Variants in ARSG observed in about 807,000 individuals in gnomAD.
ARSG encodes arylsulfatase G, also known as ASG.
A neutral mutation model predicts 50.5 loss-of-function variants in ARSG; 37 were observed. The observed-to-expected ratio is 0.73, with a 90% confidence interval of 0.56 to 0.96. The LOEUF (loss-of-function observed/expected upper bound fraction) is 0.96, where lower values mean the gene tolerates loss of function less well. Ranked by LOEUF, ARSG falls within the 50% of genes least tolerant of loss-of-function variation. ARSG has a pLI of 0.00. For missense variants in ARSG, 629 were observed against 675.3 expected (o/e 0.93, Z 0.76); for synonymous variants, 225 against 254.6 (o/e 0.88, Z 1.11).
intron 2 of ARSG, among the ~76,000 whole-genome samples, chr17:68,327,065 G>A (rs1224885006): frequency 6.6e-6 from 1 of 152,168 alleles, no homozygotes; most frequent in African/African-American, 2.4e-5. Context: ...CTCCTGGAGG[G>A]TAAGGAAAGA....
intron 1 of ARSG, among the ~76,000 whole-genome samples, chr17:68,303,734 G>A (rs1315166579): frequency 1.3e-5 from 2 of 152,222 alleles, no homozygotes; most frequent in Admixed American, 1.3e-4. Flanking sequence ...ACAGGCATGA[G>A]CCACCGCACC....
the ARSG span, among the ~76,000 whole-genome samples, chr17:68,434,923 C>T: frequency 4.9e-4 from 74 of 152,140 alleles, no homozygotes; most frequent in Non-Finnish European, 5.6e-4. Flanking sequence ...AATTTGAGGC[C>T]GGGTGTGGTG....
the ARSG span, among the ~76,000 whole-genome samples, chr17:68,436,039 A>T: frequency 6.6e-6 from 1 of 152,350 alleles, no homozygotes; most frequent in South Asian, 2.1e-4. Context: ...CCGCTCAGGG[A>T]TGCCTCAGAG....
chr17:68,310,286 G>C (rs2076800255), intron 2 of ARSG, among the ~76,000 whole-genome samples: 1 of 152,218 alleles, frequency 6.6e-6, no homozygotes, highest in African/African-American at 2.4e-5. Context: ...TTGGAGAACA[G>C]AAGCGAGGGT....
intron 8 of ARSG, among the ~76,000 whole-genome samples, chr17:68,376,781 C>A (rs989249903): frequency 1.3e-5 from 2 of 151,694 alleles, no homozygotes; most frequent in African/African-American, 4.8e-5. Flanking sequence ...CCAAAATGAC[C>A]AATGAGAGAA....
intron 2 of ARSG, among the ~76,000 whole-genome samples, chr17:68,336,680 C>T (rs2078036546): frequency 6.6e-6 from 1 of 152,022 alleles, no homozygotes; most frequent in African/African-American, 2.4e-5. Flanking sequence ...TGGCAAAATC[C>T]CGTTTCTATT....
At chr17:68,352,791 TGAGTCACCGCACCCA>T (rs1417754533) in intron 5 of ARSG, among the ~76,000 whole-genome samples, 3 of 152,178 alleles carry the variant, frequency 2.0e-5, no homozygotes, top group Non-Finnish European at 4.4e-5. Context: ...ATTTCAGGCG[TGAGTCACCGCACCCA>T]GCGGTGACTC....
At chr17:68,369,649 G>A (rs1325175637) in intron 7 of ARSG, among the ~76,000 whole-genome samples, 1 of 152,080 alleles carries the variant, frequency 6.6e-6, no homozygotes, top group African/African-American at 2.4e-5. Context: ...TACTATTGGG[G>A]GAATTCCCTT....
At chr17:68,348,568 A>G (rs1034647222) in intron 4 of ARSG, among the ~76,000 whole-genome samples, 5 of 152,016 alleles carry the variant, frequency 3.3e-5, no homozygotes, top group African/African-American at 9.7e-5. Context: ...TCTGCGGTGC[A>G]CTGTCCTGGT....
At chr17:68,360,971 C>T (rs2079256378) in intron 6 of ARSG, among the ~76,000 whole-genome samples, 4 of 152,074 alleles carry the variant, frequency 2.6e-5, no homozygotes, top group Admixed American at 1.3e-4. Context: ...ATTACAGGCG[C>T]CCGCCACCAC....
chr17:68,339,645 C>A (rs1031754848), intron 2 of ARSG, among the ~76,000 whole-genome samples: 3 of 152,184 alleles, frequency 2.0e-5, no homozygotes, highest in Admixed American at 2.0e-4. Context: ...TGTTAAATTA[C>A]TTCCTTGTGG....
intron 1 of ARSG, among the ~76,000 whole-genome samples, chr17:68,264,641 T>C (rs185968420): frequency 5.7e-4 from 87 of 152,026 alleles, no homozygotes; most frequent in Non-Finnish European, 1.0e-3. Flanking sequence ...TTTTCCATGT[T>C]GGTCAGGCTG....
chr17:68,414,013 C>G (rs1459835376), intron 11 of ARSG: 1 of 155,130 alleles, frequency 6.4e-6, no homozygotes, highest in East Asian at 1.9e-4. Context: ...CGCCCACTGT[C>G]TGGCACTCCC....
chr17:68,287,380 G>C (rs573038003), upstream of ARSG, among the ~76,000 whole-genome samples: 24 of 151,794 alleles, frequency 1.6e-4, no homozygotes, highest in African/African-American at 5.6e-4. Flanking sequence ...GGCTGGTCTG[G>C]AACTCCCGGA....
At chr17:68,445,804 A>C in the ARSG span, among the ~76,000 whole-genome samples, 1 of 152,166 alleles carries the variant, frequency 6.6e-6, no homozygotes, top group African/African-American at 2.4e-5. Context: ...CGCACATCTG[A>C]GCAGCTGCCG....
chr17:68,403,451 G>T (rs1403347529), intron 11 of ARSG, among the ~76,000 whole-genome samples: 1 of 152,218 alleles, frequency 6.6e-6, no homozygotes, highest in Admixed American at 6.5e-5. Context: ...TAATCCATCA[G>T]TGAAAACTGG....
chr17:68,343,965 G>A (rs555788532), intron 3 of ARSG, among the ~76,000 whole-genome samples, 174 bp downstream of exon 3: 1 of 152,162 alleles, frequency 6.6e-6, no homozygotes, highest in Admixed American at 6.5e-5. Flanking sequence ...AAACATACAT[G>A]GAGCTATTTT....
chr17:68,407,627 G>C (rs2081790299), intron 11 of ARSG, among the ~76,000 whole-genome samples: 1 of 151,846 alleles, frequency 6.6e-6, no homozygotes, highest in Admixed American at 6.6e-5. Context: ...ATTGTAAAAG[G>C]GGTTGACTTC....
At chr17:68,415,301 T>C (rs2147470243) in intron 11 of ARSG, among the ~76,000 whole-genome samples, 1 of 152,336 alleles carries the variant, frequency 6.6e-6, no homozygotes, top group East Asian at 1.9e-4. Flanking sequence ...AGGAGCAGGT[T>C]ATATAATTTC....
Sources: gnomAD v4.1 joint callset for allele counts (sites outside exome capture counted in the v4.1 genomes callset) on GRCh38, gnomAD v4.1.1 for gene constraint, MANE v1.5 for transcripts, NCBI Gene and HGNC (gene_info 2026-07-23, HGNC 2026-07-21) for gene names.